RHOBTB2: variants seen among roughly 807,000 people sequenced by gnomAD.
The protein encoded by RHOBTB2 is rho-related BTB domain-containing protein 2.
A neutral mutation model predicts 66.5 loss-of-function variants in RHOBTB2; 39 were observed. That is an observed-to-expected ratio of 0.59 (90% CI 0.45 to 0.77). RHOBTB2 has a LOEUF of 0.77. RHOBTB2 is among the 30% of genes least tolerant of loss of function. The probability of loss-of-function intolerance (pLI) is 0.00; values close to 1 mark genes in which losing one functional copy is unlikely to be tolerated. For missense variants in RHOBTB2, 755 were observed against 999.1 expected, an observed-to-expected ratio of 0.76 and a Z score of 3.29; for synonymous variants, 390 against 395.0, an observed-to-expected ratio of 0.99 and a Z score of 0.15.
At position 23,004,315 on chromosome 8, in the gene RHOBTB2, C is replaced by T. The variant is rs558367020; in HGVS notation, c.-10-110C>T. ...CACTCCTTCCTCCTCCTGTCAGCTC[C>T]GGGGCTTGCAGAGGGGGCAGCCTGG... On this transcript the variant is annotated intron_variant, in intron 1 of 9. Transcript: ENST00000251822. This position sits in a 1 kb window ranked among gnomAD's most constrained non-coding sequence, Gnocchi z 6.4. The T allele has an allele frequency of 1.1e-5, 10 of 909,168 alleles. No individual in the cohort carries two copies. The highest frequency in any genetic ancestry group is 9.8e-5 in the African/African-American group (6 of 61,436). 56.3% of individuals were successfully genotyped at this position (909,168 alleles called of 1,614,324 possible). A position where few individuals can be genotyped will look rare whatever the true frequency, so the allele number is the denominator to read the frequency against.
At chr8:23,001,129 G>C (rs1810766217) in intron 1 of RHOBTB2, among the ~76,000 whole-genome samples, 1 of 152,214 alleles carries the variant, frequency 6.6e-6, no homozygotes, top group African/African-American at 2.4e-5. Flanking sequence ...GGGGCACAGG[G>C]ATCATGGGAC....
At chr8:22,954,783 C>A in the RHOBTB2 span, among the ~76,000 whole-genome samples, 1 of 152,118 alleles carries the variant, frequency 6.6e-6, no homozygotes, top group South Asian at 2.1e-4. Context: ...ACAAACTGTA[C>A]CAAGGAAACC....
chr8:23,007,941 T>C, intron 5 of RHOBTB2, 52 bp from the exon 6 acceptor site: 1 of 1,568,738 alleles, frequency 6.4e-7, no homozygotes. Context: ...CCCTTGGGGC[T>C]TGTTCTCCCA....
the RHOBTB2 span, among the ~76,000 whole-genome samples, chr8:22,972,338 G>A: frequency 5.3e-5 from 8 of 152,134 alleles, no homozygotes; most frequent in Admixed American, 3.3e-4. Context: ...GTCATCACAC[G>A]TAATTTTAAA....
chr8:22,975,042 A>G, the RHOBTB2 span, among the ~76,000 whole-genome samples: 4 of 152,062 alleles, frequency 2.6e-5, no homozygotes, highest in Admixed American at 6.6e-5. Context: ...CAGGGCCTAA[A>G]CATCTCCCCC....
chr8:23,003,160 G>T (rs949461084), intron 1 of RHOBTB2, among the ~76,000 whole-genome samples: 1 of 152,204 alleles, frequency 6.6e-6, no homozygotes, highest in Admixed American at 6.5e-5. Flanking sequence ...TGAGTGGGGC[G>T]GGCAGATGAC....
Position 23,007,284 on chromosome 8 carries a change from G to A in RHOBTB2, c.1039G>A (p.Val347Met), listed in dbSNP as rs762216794. ...DFLLRAASFD[V>M]CESVDEAGGS... ...CCTGCTCCGAGCAGCCAGCTTTGAC[G>A]TGTGCGAGAGCGTGGATGAGGCTGG... Residue 347 changes from valine to methionine, a missense_variant, in exon 5 of 10, where the codon GTG becomes ATG. Coordinates refer to ENST00000251822, the MANE Select transcript of RHOBTB2 (RefSeq NM_015178.3). 1.1e-5 allele frequency: 18 copies of A among 1,613,634 alleles called. No individual in the cohort carries two copies. The highest frequency in any genetic ancestry group is 6.7e-5 in the East Asian group (3 of 44,886).
chr8:22,974,624 C>A, the RHOBTB2 span, among the ~76,000 whole-genome samples: 5 of 152,178 alleles, frequency 3.3e-5, no homozygotes, highest in Admixed American at 2.0e-4. Flanking sequence ...GGCCTAGAAG[C>A]TATAAGGCCA....
chr8:22,966,167 G>C, the RHOBTB2 span, among the ~76,000 whole-genome samples: 11 of 151,456 alleles, frequency 7.3e-5, no homozygotes, highest in African/African-American at 2.7e-4. Context: ...CCTGGTCAAA[G>C]TAGGGAAACC....
At chr8:22,993,231 T>C (rs551635622) in intron 2 of RHOBTB2, among the ~76,000 whole-genome samples, 17 of 152,194 alleles carry the variant, frequency 1.1e-4, no homozygotes, top group Non-Finnish European at 2.5e-4. Context: ...ACGATCATAG[T>C]GCACTGCAGC....
At chr8:22,959,865 T>A in the RHOBTB2 span, among the ~76,000 whole-genome samples, 1 of 151,814 alleles carries the variant, frequency 6.6e-6, no homozygotes, top group Non-Finnish European at 1.5e-5. Flanking sequence ...CTAGAGTTTG[T>A]TACAAGTTGA....
Position 23,006,944 on chromosome 8 carries a change from C to T in RHOBTB2, c.699C>T (p.Phe233=). The part of the protein sequence containing the change: ...NVQRPLLQAP[F]LPPKPPPPII... Reference sequence around the variant, plus strand: ...AGCGGCCTCTGCTGCAGGCACCCTTCCTACCCCCCAAGCCACCGCCCCCGA... The same window carrying T: ...AGCGGCCTCTGCTGCAGGCACCCTTTCTACCCCCCAAGCCACCGCCCCCGA... The change falls in exon 5 of 10, where the codon TTC becomes TTT. Residue 233 remains phenylalanine, a synonymous_variant. Transcript: ENST00000251822. This position sits in a 1 kb window ranked among gnomAD's most constrained non-coding sequence, Gnocchi z 6.1. The T allele has an allele frequency of 1.2e-6, 2 of 1,612,890 alleles. No homozygotes were observed. Among genetic ancestry groups the T allele is most frequent in the Non-Finnish European group, 1.7e-6 (2 of 1,179,996 alleles).
the RHOBTB2 span, among the ~76,000 whole-genome samples, chr8:22,978,429 G>A: frequency 6.7e-6 from 1 of 149,844 alleles, no homozygotes; most frequent in Non-Finnish European, 1.5e-5. Context: ...GGAGCTTGCA[G>A]TGAGCCGAGA....
At position 23,004,657 on chromosome 8, in the gene RHOBTB2, C is replaced by T; in HGVS notation, c.192+31C>T. The T allele has an allele frequency of 1.3e-6, 2 of 1,588,712 alleles. No individual in the cohort carries two copies. The highest frequency in any genetic ancestry group is 8.6e-7 in the Non-Finnish European group (1 of 1,167,366). Reference sequence around the variant, plus strand: ...GCTGCAGGACTACCTGGCTGGGGGTCCACGCCATGAGTCTGGGCTTGGGGG... The same window carrying T: ...GCTGCAGGACTACCTGGCTGGGGGTTCACGCCATGAGTCTGGGCTTGGGGG... On this transcript the variant is annotated intron_variant, in intron 2 of 9. Coordinates refer to ENST00000251822, the MANE Select transcript of RHOBTB2 (RefSeq NM_015178.3). The surrounding 1 kb of genome is among the most constrained non-coding windows in gnomAD (Gnocchi z 6.4).
the RHOBTB2 span, among the ~76,000 whole-genome samples, chr8:22,982,302 T>C: frequency 4.1e-4 from 63 of 152,278 alleles, 1 homozygote; most frequent in East Asian, 0.011. Flanking sequence ...CTCCTTCCAA[T>C]AGTCTTCTTG....
chr8:23,012,722 G>C (rs10098328), intron 7 of RHOBTB2, among the ~76,000 whole-genome samples: 7,149 of 152,194 alleles, frequency 0.047, 525 homozygotes, highest in African/African-American at 0.16. Context: ...GGGCTCAAGC[G>C]ATCCTCCCAA....
the RHOBTB2 span, among the ~76,000 whole-genome samples, chr8:22,966,426 G>A: frequency 2.0e-5 from 3 of 151,860 alleles, no homozygotes; most frequent in Non-Finnish European, 4.4e-5. Flanking sequence ...AGCAAAAAAC[G>A]GGTGAAGGAC....
chr8:22,994,765 A>G (rs1810502816), upstream of RHOBTB2: 20 of 697,682 alleles, frequency 2.9e-5, no homozygotes, highest in South Asian at 3.5e-4. Flanking sequence ...AACATAAAAA[A>G]AAATACCTTT....
chr8:22,974,771 G>A, the RHOBTB2 span, among the ~76,000 whole-genome samples: 1 of 152,110 alleles, frequency 6.6e-6, no homozygotes, highest in South Asian at 2.1e-4. Flanking sequence ...AAGGGCTGCT[G>A]GGAGCTGCAT....
Sources: allele counts gnomAD v4.1 joint callset (sites outside exome capture counted in the v4.1 genomes callset), GRCh38; gene constraint gnomAD v4.1.1; non-coding constraint Gnocchi (gnomAD v3.1); transcripts MANE v1.5; gene names NCBI Gene and HGNC (gene_info 2026-07-23, HGNC 2026-07-21).